The following SGCZ variants were observed in gnomAD, a reference collection of about 807,000 sequenced individuals.
The protein encoded by SGCZ is sarcoglycan zeta.
A neutral mutation model predicts 41.3 loss-of-function variants in SGCZ; 40 were observed. That is an observed-to-expected ratio of 0.97 (90% CI 0.75 to 1.26). The LOEUF is 1.26. SGCZ is among the 50% of genes most tolerant of loss of function. SGCZ has a pLI of 0.00. For missense variants in SGCZ, 552 were observed against 369.8 expected (o/e 1.49, Z -4.04); for synonymous variants, 206 against 137.5 (o/e 1.50, Z -3.49).
At chr8:14,906,213 G>T (rs888341454) in intron 1 of SGCZ, among the ~76,000 whole-genome samples, 1 of 152,064 alleles carries the variant, frequency 6.6e-6, no homozygotes, top group Non-Finnish European at 1.5e-5. Context: ...TTTTGAAGAC[G>T]CTCCCTAGAG....
chr8:14,154,318 G>A (rs572336304), intron 5 of SGCZ, among the ~76,000 whole-genome samples: 32 of 152,196 alleles, frequency 2.1e-4, no homozygotes, highest in African/African-American at 7.0e-4. Context: ...GCAGTGAGCC[G>A]AGATCGTGCC....
At chr8:14,807,568 A>G (rs1801582855) in intron 1 of SGCZ, among the ~76,000 whole-genome samples, 2 of 152,008 alleles carry the variant, frequency 1.3e-5, no homozygotes, top group South Asian at 2.1e-4. Context: ...CCACTGCTCA[A>G]GGAAATAAAA....
intron 1 of SGCZ, among the ~76,000 whole-genome samples, chr8:14,700,118 A>G (rs1267079595): frequency 6.6e-6 from 1 of 152,018 alleles, no homozygotes; most frequent in Non-Finnish European, 1.5e-5. Flanking sequence ...ATACCCAAAA[A>G]GAAAATCAAC....
chr8:14,572,111 C>A (rs1051912001), intron 1 of SGCZ, among the ~76,000 whole-genome samples: 1 of 152,130 alleles, frequency 6.6e-6, no homozygotes, highest in Non-Finnish European at 1.5e-5. Flanking sequence ...TTTCATGATA[C>A]AGCATTAAGA....
intron 1 of SGCZ, among the ~76,000 whole-genome samples, chr8:14,866,472 A>G (rs1284332475): frequency 6.6e-6 from 1 of 152,122 alleles, no homozygotes; most frequent in Non-Finnish European, 1.5e-5. Context: ...GTTTGTTTAT[A>G]TGGTGCTCTT....
intron 2 of SGCZ, among the ~76,000 whole-genome samples, chr8:14,484,531 C>T (rs1391528174): frequency 6.6e-6 from 1 of 152,044 alleles, no homozygotes; most frequent in African/African-American, 2.4e-5. Context: ...TTTTTTTACA[C>T]ACATAGAACA....
intron 1 of SGCZ, among the ~76,000 whole-genome samples, chr8:14,602,178 A>G (rs1274664567): frequency 6.6e-6 from 1 of 152,052 alleles, no homozygotes; most frequent in Non-Finnish European, 1.5e-5. Flanking sequence ...ATATATGGTA[A>G]TTTTTCTGCT....
At chr8:14,645,095 C>A (rs1252312479) in intron 1 of SGCZ, among the ~76,000 whole-genome samples, 3 of 151,512 alleles carry the variant, frequency 2.0e-5, no homozygotes, top group Non-Finnish European at 4.4e-5. Context: ...CATCCCAGGG[C>A]ATAAAAGTTT....
chr8:14,163,683 C>T (rs1304843006), intron 5 of SGCZ, among the ~76,000 whole-genome samples: 1 of 152,054 alleles, frequency 6.6e-6, no homozygotes, highest in Non-Finnish European at 1.5e-5. Flanking sequence ...TATGGAGAGG[C>T]AGAGGCAGGA....
rs114277138 is a variant in SGCZ, at chr8:14,604,274, A to G, written c.40-49348T>C. 5.4e-3 allele frequency among the ~76,000 whole-genome samples: 825 copies of G among 152,250 alleles called. 7 individuals are homozygous for G. Among genetic ancestry groups the G allele is most frequent in the African/African-American group, 0.019 (778 of 41,552 alleles). On this transcript the variant is annotated intron_variant, in intron 1 of 7. Transcript: ENST00000382080. The stretch of plus-strand genomic sequence containing the variant: ...CACTTGCATTTCACCACCAACTTCA[A>G]TTGATCGTCAGTAACTGCCTGGAGA...
intron 2 of SGCZ, among the ~76,000 whole-genome samples, chr8:14,503,978 T>A (rs1176411866): frequency 6.6e-6 from 1 of 152,182 alleles, no homozygotes; most frequent in Non-Finnish European, 1.5e-5. Context: ...AGTGTAAAAA[T>A]TACTGTATTT....
intron 1 of SGCZ, among the ~76,000 whole-genome samples, chr8:15,144,959 A>G (rs1005320318): frequency 3.3e-5 from 5 of 152,212 alleles, no homozygotes; most frequent in Admixed American, 6.5e-5. Context: ...TCACAAAACA[A>G]GAGAAACCAA....
At chr8:15,022,250 T>C (rs1282132664) in intron 1 of SGCZ, among the ~76,000 whole-genome samples, 1 of 152,240 alleles carries the variant, frequency 6.6e-6, no homozygotes, top group African/African-American at 2.4e-5. Flanking sequence ...TAGGTGAATA[T>C]TTTAATCATG....
At chr8:14,834,259 T>C (rs1199347809) in intron 1 of SGCZ, among the ~76,000 whole-genome samples, 1 of 152,156 alleles carries the variant, frequency 6.6e-6, no homozygotes, top group East Asian at 1.9e-4. Context: ...TGGATTTATA[T>C]TTTACAAAAT....
chr8:15,213,414 T>C (rs1801301036), intron 1 of SGCZ, among the ~76,000 whole-genome samples: 1 of 151,738 alleles, frequency 6.6e-6, no homozygotes, highest in African/African-American at 2.4e-5. Context: ...AATGTTTCTA[T>C]ATGTGAAACA....
chr8:14,656,262 T>C (rs561965982), intron 1 of SGCZ, among the ~76,000 whole-genome samples: 1 of 152,220 alleles, frequency 6.6e-6, no homozygotes, highest in East Asian at 1.9e-4. Flanking sequence ...TTATATATGT[T>C]GATTGTTTTA....
intron 7 of SGCZ, among the ~76,000 whole-genome samples, chr8:14,097,354 C>G (rs1229051331): frequency 2.6e-5 from 4 of 152,004 alleles, no homozygotes; most frequent in Admixed American, 2.6e-4. Context: ...CGTGATTTAC[C>G]CAGTAGTCAT....
At chr8:14,967,180 T>A (rs936039506) in intron 1 of SGCZ, among the ~76,000 whole-genome samples, 1 of 152,132 alleles carries the variant, frequency 6.6e-6, no homozygotes, top group Non-Finnish European at 1.5e-5. Flanking sequence ...GTAATACACA[T>A]TAAAATTATA....
intron 1 of SGCZ, among the ~76,000 whole-genome samples, chr8:15,018,331 C>G (rs1253275554): frequency 2.0e-5 from 3 of 152,022 alleles, no homozygotes; most frequent in Non-Finnish European, 4.4e-5. Context: ...AAAATAAGCA[C>G]TGAGTGAATG....
Sources: gnomAD v4.1 joint callset for allele counts (sites outside exome capture counted in the v4.1 genomes callset) on GRCh38, gnomAD v4.1.1 for gene constraint, MANE v1.5 for transcripts, NCBI Gene and HGNC (gene_info 2026-07-23, HGNC 2026-07-21) for gene names.